The following CENPX variants were observed in gnomAD, a reference collection of about 807,000 sequenced individuals.
CENPX encodes centromere protein X, also known as FANCM associated histone fold protein 2.
CENPX carries 13 observed loss-of-function variants against 13.2 expected under a neutral mutation model. That is an observed-to-expected ratio of 0.98 (90% CI 0.64 to 1.56). The LOEUF (loss-of-function observed/expected upper bound fraction) is 1.56. Ranked by LOEUF, CENPX falls within the 40% of genes most tolerant of loss-of-function variation. The pLI, the probability that CENPX is intolerant of heterozygous loss-of-function variation, is 0.00. For missense variants in CENPX, 138 were observed against 107.5 expected (o/e 1.28, Z -1.26); for synonymous variants, 66 against 47.2 (o/e 1.40, Z -1.63).
intron 1 of CENPX, among the ~76,000 whole-genome samples, chr17:82,020,889 G>A (rs1598449008): frequency 6.6e-6 from 1 of 152,202 alleles, no homozygotes. Context: ...CAGTGGTGGC[G>A]GCCGAGACTC....
chr17:82,019,945 C>T (rs777117360), intron 1 of CENPX, 36 bp from the exon 2 acceptor site: 6 of 1,511,060 alleles, frequency 4.0e-6, no homozygotes, highest in Non-Finnish European at 4.5e-6. Context: ...CACGCCCCGC[C>T]CTCCCCCCCG....
chr17:82,022,043 A>C (rs2043294803), intron 1 of CENPX, among the ~76,000 whole-genome samples: 1 of 152,206 alleles, frequency 6.6e-6, no homozygotes, highest in Admixed American at 6.5e-5. Flanking sequence ...GAGGCCCACG[A>C]GGCCCTGCTG....
chr17:82,020,129 A>G (rs4969469), intron 1 of CENPX, among the ~76,000 whole-genome samples: 32,481 of 152,222 alleles, frequency 0.21, 4,670 homozygotes, highest in African/African-American at 0.41. Flanking sequence ...AGGGCCCTGC[A>G]CAGGGTCTGG....
chr17:82,018,943 A>G lies in CENPX; in HGVS notation c.*262T>C, dbSNP rs1332930092. The G allele has an allele frequency of 7.1e-6, 3 of 424,884 alleles. No homozygotes were observed. The highest frequency in any genetic ancestry group is 4.1e-5 in the Admixed American group (1 of 24,300). The allele number at this position is 424,884 out of a possible 1,614,324, so 26.3% of individuals were successfully genotyped here. On this transcript the variant is annotated 3_prime_UTR_variant, in exon 5 of 5. Transcript: ENST00000392359. ...TAGGACCCCGGGTGGCATGCACACT[A>G]TTGTCCCAGGGAGGAGAGGCAGGGA... is the stretch of plus-strand genomic sequence containing the variant.
intron 1 of CENPX, among the ~76,000 whole-genome samples, chr17:82,021,383 C>T (rs1414689154): frequency 1.3e-5 from 2 of 152,368 alleles, no homozygotes; most frequent in East Asian, 3.9e-4. Context: ...AGAGAAGGCA[C>T]TATCTCCCCA....
intron 1 of CENPX, among the ~76,000 whole-genome samples, chr17:82,022,295 T>C (rs943271191): frequency 6.6e-6 from 1 of 152,194 alleles, no homozygotes; most frequent in African/African-American, 2.4e-5. Context: ...CACTGGCAGG[T>C]GGGGTTAATC....
chr17:82,018,913 G>A lies in CENPX; in HGVS notation c.*292C>T. On this transcript the variant is annotated 3_prime_UTR_variant, in exon 5 of 5. Transcript: ENST00000392359. The stretch of plus-strand genomic sequence containing the variant: ...GCTGGCCAGGCCTTTCCCAGCACCT[G>A]CCTGTAGGACCCCGGGTGGCATGCA... The A allele has an allele frequency of 2.5e-6, 1 of 396,140 alleles. No individual in the cohort carries two copies. Among genetic ancestry groups the A allele is most frequent in the Non-Finnish European group, 4.4e-6 (1 of 225,784 alleles). The allele number at this position is 396,140 out of a possible 1,614,324, so 24.5% of individuals were successfully genotyped here.
chr17:82,019,787 G>C (rs1181437549), intron 2 of CENPX, 71 bp downstream of exon 2: 67 of 1,566,410 alleles, frequency 4.3e-5, no homozygotes, highest in Non-Finnish European at 5.5e-5. Context: ...CCTTGGCCCT[G>C]CAGAGTTGCA....
chr17:82,022,736 G>T, intron 1 of CENPX, 90 bp downstream of exon 1: 1 of 1,440,130 alleles, frequency 6.9e-7, no homozygotes, highest in Non-Finnish European at 9.4e-7. Flanking sequence ...AGGGGGCGGC[G>T]CGGGGGCTGG....
intron 4 of CENPX, 31 bp downstream of exon 4, chr17:82,019,262 C>G: frequency 6.3e-7 from 1 of 1,596,718 alleles, no homozygotes; most frequent in Non-Finnish European, 8.6e-7. Flanking sequence ...GCCGGGCACC[C>G]CCACTTGCGC....
At chr17:82,021,902 C>T (rs1404824556) in intron 1 of CENPX, among the ~76,000 whole-genome samples, 1 of 152,206 alleles carries the variant, frequency 6.6e-6, no homozygotes, top group Non-Finnish European at 1.5e-5. Context: ...CCGCCCCCCA[C>T]GCCTGCTGCC....
At chr17:82,021,517 G>A (rs373392523) in intron 1 of CENPX, among the ~76,000 whole-genome samples, 157 of 152,304 alleles carry the variant, frequency 1.0e-3, no homozygotes, top group African/African-American at 3.5e-3. Flanking sequence ...CAGTGGCCTC[G>A]GAAGGCAGGC....
chr17:82,021,956 C>T (rs1598450523), intron 1 of CENPX, among the ~76,000 whole-genome samples: 2 of 152,318 alleles, frequency 1.3e-5, no homozygotes, highest in Middle Eastern at 3.4e-3. Flanking sequence ...ACAGAATTCT[C>T]CCTGCTTCTA....
Position 82,019,519 on chromosome 17 carries a change from A to G in CENPX, c.142+122T>C. The stretch of plus-strand genomic sequence containing the variant: ...AACCAGGCCACAGCACCTGACAAAC[A>G]GGCTCAGGAGACCCAAGTTTAGGCC... On this transcript the variant is annotated intron_variant, in intron 3 of 4. Transcript: ENST00000392359. 5 of 1,528,550 alleles carry G rather than the reference A, an allele frequency of 3.3e-6. No individual in the cohort carries two copies. In the South Asian group the frequency reaches 6.1e-5, roughly 19 times the overall value. The allele number at this position is 1,528,550 out of a possible 1,614,324, so 94.7% of individuals were successfully genotyped here.
chr17:82,019,079 T>C lies in CENPX; in HGVS notation c.*126A>G. 4 of 1,361,964 alleles carry C rather than the reference T, an allele frequency of 2.9e-6. No individual in the cohort carries two copies. Among genetic ancestry groups the C allele is most frequent in the Non-Finnish European group, 3.9e-6 (4 of 1,018,110 alleles). The allele number at this position is 1,361,964 out of a possible 1,614,324, so 84.4% of individuals were successfully genotyped here. Reference sequence around the variant, plus strand: ...ACAGGCTGGAGACTCCCAGAGATCTTGTTTGAATCAACTCCAAATCCTTCA... The same window carrying C: ...ACAGGCTGGAGACTCCCAGAGATCTCGTTTGAATCAACTCCAAATCCTTCA... On this transcript the variant is annotated 3_prime_UTR_variant, in exon 5 of 5. Coordinates refer to ENST00000392359, the MANE Select transcript of CENPX (RefSeq NM_001271006.2).
chr17:82,019,615 G>T (rs1011336975), intron 3 of CENPX, 26 bp downstream of exon 3: 1 of 1,550,146 alleles, frequency 6.5e-7, no homozygotes, highest in Non-Finnish European at 8.7e-7. Context: ...TGCTGTGCCC[G>T]GAGGGAGCGT....
In CENPX at chr17:82,022,708, G is replaced by A. The variant is rs1052551462; in HGVS notation, c.36+118C>T. ...GGCCGGAGATGGAGTCTGAGAACGG[G>A]CCCAACCTCAAAGGCACAGGGGGCG... On this transcript the variant is annotated intron_variant, in intron 1 of 4. Coordinates refer to ENST00000392359, the MANE Select transcript of CENPX (RefSeq NM_001271006.2). 15 of 1,249,962 alleles carry A rather than the reference G, an allele frequency of 1.2e-5. No individual in the cohort carries two copies. The African/African-American group carries it at 1.5e-4, about 13-fold the overall frequency. The allele number at this position is 1,249,962 out of a possible 1,614,324, so 77.4% of individuals were successfully genotyped here. A position where few individuals can be genotyped will look rare whatever the true frequency, so the allele number is the denominator to read the frequency against.
chr17:82,019,721 GACCCTC>G, intron 2 of CENPX, 27 bp from the exon 3 acceptor site: 1 of 1,550,162 alleles, frequency 6.5e-7, no homozygotes, highest in South Asian at 1.2e-5. Context: ...GGTTATGCGG[GACCCTC>G]ACCCACCGCT....
At chr17:82,021,251 C>T (rs2043276433) in intron 1 of CENPX, among the ~76,000 whole-genome samples, 1 of 152,236 alleles carries the variant, frequency 6.6e-6, no homozygotes, top group South Asian at 2.1e-4. Context: ...CATCCCGGCT[C>T]GTCCTGAGCC....
Sources: gnomAD v4.1 joint callset for allele counts (sites outside exome capture counted in the v4.1 genomes callset) on GRCh38, gnomAD v4.1.1 for gene constraint, MANE v1.5 for transcripts, NCBI Gene and HGNC (gene_info 2026-07-23, HGNC 2026-07-21) for gene names.